The following ETV6 variants were observed in gnomAD, a reference collection of about 807,000 sequenced individuals.
ETV6 encodes transcription factor ETV6.
A neutral mutation model predicts 51.1 loss-of-function variants in ETV6; 16 were observed. The observed-to-expected ratio is 0.31, with a 90% CI of 0.21 to 0.48. ETV6 has a LOEUF of 0.48. Ranked by LOEUF, ETV6 falls within the 20% of genes least tolerant of loss-of-function variation. ETV6 has a pLI of 0.99. For synonymous variants in ETV6, 240 were observed against 224.1 expected, an observed-to-expected ratio of 1.07 and a Z score of -0.64; for missense variants, 458 against 594.8, an observed-to-expected ratio of 0.77 and a Z score of 2.39.
intron 1 of ETV6, among the ~76,000 whole-genome samples, chr12:11,741,368 A>G (rs975743700): frequency 1.3e-5 from 2 of 152,190 alleles, no homozygotes; most frequent in East Asian, 1.9e-4. Flanking sequence ...GCTTGATCAC[A>G]TGAAGATGGA....
At chr12:11,821,980 G>A (rs2136436691) in intron 2 of ETV6, among the ~76,000 whole-genome samples, 1 of 152,314 alleles carries the variant, frequency 6.6e-6, no homozygotes, top group African/African-American at 2.4e-5. Flanking sequence ...CTCTTTTCAT[G>A]TGTGCAGGCC....
At chr12:11,815,096 G>A (rs950075001) in intron 2 of ETV6, among the ~76,000 whole-genome samples, 22 of 152,038 alleles carry the variant, frequency 1.4e-4, no homozygotes, top group Admixed American at 4.6e-4. Flanking sequence ...GTCAAATCAC[G>A]CCCCAGAATA....
At chr12:11,719,155 C>CTGAA (rs1189133910) in intron 1 of ETV6, among the ~76,000 whole-genome samples, 17 of 152,224 alleles carry the variant, frequency 1.1e-4, no homozygotes, top group African/African-American at 4.1e-4. Flanking sequence ...GAGAGGGAAA[C>CTGAA]TGAAGCCTGC....
intron 1 of ETV6, among the ~76,000 whole-genome samples, chr12:11,718,624 ATT>A (rs1865324575): frequency 6.7e-6 from 1 of 150,272 alleles, no homozygotes; most frequent in Non-Finnish European, 1.5e-5. Context: ...AAAAAAAAAA[ATT>A]AGTTGGGCAT....
intron 2 of ETV6, among the ~76,000 whole-genome samples, chr12:11,777,965 C>G (rs899522398): frequency 6.6e-6 from 1 of 152,208 alleles, no homozygotes; most frequent in Non-Finnish European, 1.5e-5. Context: ...GATTGATCAC[C>G]AGTGCATTCC....
intron 1 of ETV6, among the ~76,000 whole-genome samples, chr12:11,735,453 T>C (rs1380575195): frequency 6.6e-6 from 1 of 152,220 alleles, no homozygotes; most frequent in Non-Finnish European, 1.5e-5. Flanking sequence ...TTGTCTGTTT[T>C]GGAGTTTGAA....
rs577103930 is a variant in ETV6 at position 11,677,451 on chromosome 12, A to G, written c.33+27291A>G. On this transcript the variant is annotated intron_variant, in intron 1 of 7. Transcript: ENST00000396373. Reference sequence around the variant, plus strand: ...ACATACACTCTGTCTTTGGCCTGAAATGACGGCACTGCACTAAGACCTGTT... The same window carrying G: ...ACATACACTCTGTCTTTGGCCTGAAGTGACGGCACTGCACTAAGACCTGTT... Among the ~76,000 whole-genome samples, 4 of 152,354 alleles carry G rather than the reference A, an allele frequency of 2.6e-5. No individual in the cohort carries two copies. The South Asian group carries it at 8.3e-4, about 32-fold the overall frequency.
chr12:11,868,393 A>G (rs1483049986), intron 4 of ETV6, among the ~76,000 whole-genome samples: 1 of 149,156 alleles, frequency 6.7e-6, no homozygotes, highest in Non-Finnish European at 1.5e-5. Context: ...CTTGGTTAGG[A>G]GTGTCATGAG....
At chr12:11,685,182 A>G (rs1864604062) in intron 1 of ETV6, among the ~76,000 whole-genome samples, 1 of 152,136 alleles carries the variant, frequency 6.6e-6, no homozygotes, top group African/African-American at 2.4e-5. Flanking sequence ...AGTTATAGTC[A>G]TTTGTAATGT....
At chr12:11,725,002 T>G (rs762187314) in intron 1 of ETV6, among the ~76,000 whole-genome samples, 1 of 152,120 alleles carries the variant, frequency 6.6e-6, no homozygotes, top group African/African-American at 2.4e-5. Context: ...AAGTGTATAG[T>G]TTTATGACTG....
chr12:11,858,638 G>A (rs1428410743), intron 4 of ETV6, among the ~76,000 whole-genome samples: 1 of 152,144 alleles, frequency 6.6e-6, no homozygotes, highest in East Asian at 1.9e-4. Context: ...GATAATTTCA[G>A]CTCTTTAGTT....
intron 1 of ETV6, among the ~76,000 whole-genome samples, chr12:11,719,422 T>C (rs1483927684): frequency 6.6e-6 from 1 of 152,256 alleles, no homozygotes; most frequent in Non-Finnish European, 1.5e-5. Context: ...AAGTGCTCTG[T>C]ATAGACATCA....
intron 3 of ETV6, chr12:11,840,870 A>C (rs1042932661): frequency 5.7e-6 from 1 of 176,744 alleles, no homozygotes; most frequent in Non-Finnish European, 1.2e-5. Context: ...TATCCTAAAT[A>C]GTTCTTTTGA....
chr12:11,710,219 G>A (rs1382115053), intron 1 of ETV6, among the ~76,000 whole-genome samples: 3 of 151,776 alleles, frequency 2.0e-5, no homozygotes, highest in Admixed American at 1.3e-4. Context: ...CCAAAGCTCC[G>A]TGGCTTTCTC....
chr12:11,808,387 T>G (rs2136414877), intron 2 of ETV6, among the ~76,000 whole-genome samples: 1 of 151,896 alleles, frequency 6.6e-6, no homozygotes, highest in South Asian at 2.1e-4. Context: ...TATCCGTGAG[T>G]TGCACATCCG....
intron 1 of ETV6, among the ~76,000 whole-genome samples, chr12:11,722,885 C>CTT (rs1865416839): frequency 6.6e-6 from 1 of 152,150 alleles, no homozygotes; most frequent in African/African-American, 2.4e-5. Context: ...ACCTCAGGGG[C>CTT]TTTTAGAAAC....
intron 2 of ETV6, among the ~76,000 whole-genome samples, chr12:11,803,102 G>C (rs576827873): frequency 6.6e-6 from 1 of 152,294 alleles, no homozygotes; most frequent in South Asian, 2.1e-4. Flanking sequence ...AAAATGACTG[G>C]ATTTAATGGA....
At chr12:11,835,642 C>A (rs1239053454) in intron 2 of ETV6, among the ~76,000 whole-genome samples, 2 of 152,226 alleles carry the variant, frequency 1.3e-5, no homozygotes, top group Non-Finnish European at 2.9e-5. Flanking sequence ...ATTTATAAAT[C>A]TACTTCTCCA....
At chr12:11,790,888 G>A (rs1479167958) in intron 2 of ETV6, among the ~76,000 whole-genome samples, 3 of 152,178 alleles carry the variant, frequency 2.0e-5, no homozygotes, top group Admixed American at 2.0e-4. Flanking sequence ...ATGTTGGCCA[G>A]CATGTGGGTC....
Sources: allele counts gnomAD v4.1 joint callset (sites outside exome capture counted in the v4.1 genomes callset), GRCh38; gene constraint gnomAD v4.1.1; transcripts MANE v1.5; gene names NCBI Gene and HGNC (gene_info 2026-07-23, HGNC 2026-07-21).